Variants in CEP83 observed in about 807,000 individuals in gnomAD.
The protein encoded by CEP83 is centrosomal protein of 83 kDa.
A neutral mutation model predicts 101.9 loss-of-function variants in CEP83; 70 were observed. That is an observed-to-expected ratio of 0.69 (90% CI 0.57 to 0.84). The LOEUF is 0.84. Ranked by LOEUF, CEP83 falls within the 40% of genes least tolerant of loss-of-function variation. The pLI, the probability that CEP83 is intolerant of heterozygous loss-of-function variation, is 0.00. For missense variants in CEP83, 715 were observed against 787.2 expected (o/e 0.91, Z 1.10); for synonymous variants, 264 against 267.9 (o/e 0.99, Z 0.14).
intron 7 of CEP83, among the ~76,000 whole-genome samples, chr12:94,378,024 G>A (rs1285984991): frequency 1.3e-5 from 2 of 152,090 alleles, no homozygotes; most frequent in African/African-American, 4.8e-5. Flanking sequence ...CTTGGATTTG[G>A]ATATTGATTT....
intron 6 of CEP83, among the ~76,000 whole-genome samples, chr12:94,388,449 G>T (rs1461198960): frequency 6.6e-6 from 1 of 152,108 alleles, no homozygotes; most frequent in Admixed American, 6.5e-5. Context: ...GAGAGGATGA[G>T]GGGGAAAGGG....
chr12:94,309,434 C>T (rs548559598), intron 16 of CEP83, among the ~76,000 whole-genome samples: 2 of 152,258 alleles, frequency 1.3e-5, no homozygotes, highest in African/African-American at 4.8e-5. Flanking sequence ...AGGTTTGAAA[C>T]TTTGTCACTT....
chr12:94,333,331 T>C (rs1398109015), intron 13 of CEP83, 151 bp downstream of exon 13: 3 of 621,860 alleles, frequency 4.8e-6, no homozygotes, highest in Non-Finnish European at 8.1e-6. Flanking sequence ...AAACATAAAG[T>C]ACATTATTAC....
At chr12:94,297,057 G>T in the CEP83 span, 1 of 786,898 alleles carries the variant, frequency 1.3e-6, no homozygotes, top group South Asian at 1.6e-5. Context: ...ATGTAGCTAT[G>T]GAGAGCTCAA....
chr12:94,390,622 T>G (rs184053126), intron 6 of CEP83, among the ~76,000 whole-genome samples: 1 of 152,200 alleles, frequency 6.6e-6, no homozygotes, highest in African/African-American at 2.4e-5. Flanking sequence ...GGACAGTGAA[T>G]GACTCTGACA....
chr12:94,456,391 G>C (rs1242035867), intron 1 of CEP83, among the ~76,000 whole-genome samples: 2 of 152,106 alleles, frequency 1.3e-5, no homozygotes, highest in African/African-American at 4.8e-5. Context: ...TTACTTTCAT[G>C]ATACTTACAA....
At chr12:94,344,555 T>A (rs1416885380) in intron 11 of CEP83, among the ~76,000 whole-genome samples, 1 of 147,342 alleles carries the variant, frequency 6.8e-6, no homozygotes, top group Non-Finnish European at 1.5e-5. Context: ...TATTTCTATA[T>A]GCAACGAACA....
chr12:94,289,841 C>T, the CEP83 span, among the ~76,000 whole-genome samples: 3 of 152,186 alleles, frequency 2.0e-5, no homozygotes, highest in Non-Finnish European at 2.9e-5. Context: ...TGCACTCACA[C>T]ATACGCGCTC....
At chr12:94,453,424 T>C (rs922953505) in intron 1 of CEP83, among the ~76,000 whole-genome samples, 6 of 152,262 alleles carry the variant, frequency 3.9e-5, no homozygotes, top group African/African-American at 1.4e-4. Flanking sequence ...GTATTCTTTC[T>C]AGTTCTAGGC....
At chr12:94,343,043 A>G (rs2059754646) in intron 11 of CEP83, among the ~76,000 whole-genome samples, 1 of 152,032 alleles carries the variant, frequency 6.6e-6, no homozygotes, top group South Asian at 2.1e-4. Flanking sequence ...ATCGCAGTTA[A>G]CAAGGCAGAT....
At chr12:94,440,614 C>T (rs2066331551) in intron 1 of CEP83, among the ~76,000 whole-genome samples, 1 of 151,926 alleles carries the variant, frequency 6.6e-6, no homozygotes, top group Admixed American at 6.6e-5. Flanking sequence ...ACCATACTGC[C>T]AAGAGCAATC....
At position 94,364,473 on chromosome 12, in the gene CEP83, T is replaced by C. The variant is rs927391660; in HGVS notation, c.1343+3321A>G. On this transcript the variant is annotated intron_variant, in intron 11 of 16. Transcript: ENST00000397809. ...ATTAAAGCATACTATAAAGCCTCTA[T>C]AATTAAAGTATCATAATAATGGTAC... Among the ~76,000 whole-genome samples, 8 of 151,968 alleles carry C rather than the reference T, an allele frequency of 5.3e-5. No individual in the cohort carries two copies. In the East Asian group the frequency reaches 1.4e-3, roughly 26 times the overall value.
intron 2 of CEP83, chr12:94,423,738 C>T: frequency 6.2e-7 from 1 of 1,612,154 alleles, no homozygotes; most frequent in South Asian, 1.1e-5. Flanking sequence ...GAGGGGAATC[C>T]CACTGTTACT....
intron 14 of CEP83, among the ~76,000 whole-genome samples, chr12:94,320,528 T>C (rs1211550727): frequency 1.3e-5 from 2 of 152,128 alleles, no homozygotes; most frequent in East Asian, 1.9e-4. Flanking sequence ...TAACCATCTT[T>C]CTATATTTAG....
At chr12:94,277,974 C>T in the CEP83 span, 1 of 455,954 alleles carries the variant, frequency 2.2e-6, no homozygotes, top group Non-Finnish European at 4.4e-6. Context: ...CTAGGCAAAT[C>T]AGACATTGCC....
chr12:94,335,478 T>A, intron 12 of CEP83, 111 bp downstream of exon 12: 1 of 673,928 alleles, frequency 1.5e-6, no homozygotes, highest in Non-Finnish European at 2.6e-6. Context: ...ATGTTACCAA[T>A]TGTGGTTAGA....
intron 1 of CEP83, among the ~76,000 whole-genome samples, chr12:94,457,170 C>CAG (rs892331016): frequency 6.6e-6 from 1 of 152,018 alleles, no homozygotes; most frequent in African/African-American, 2.4e-5. Flanking sequence ...CCAATCTGGG[C>CAG]AGAGACACCT....
At chr12:94,425,061 G>C in intron 2 of CEP83, 1 of 581,434 alleles carries the variant, frequency 1.7e-6, no homozygotes, top group Non-Finnish European at 2.7e-6. Context: ...AGGGGATCGA[G>C]GGAAAGGGGG....
intron 4 of CEP83, among the ~76,000 whole-genome samples, chr12:94,406,450 TGA>T (rs145004289): frequency 8.1e-5 from 12 of 148,314 alleles, no homozygotes; most frequent in South Asian, 2.1e-4. Flanking sequence ...CAGAGAAGCA[TGA>T]GAGAGAGAGA....
Sources: allele counts gnomAD v4.1 joint callset (sites outside exome capture counted in the v4.1 genomes callset), GRCh38; gene constraint gnomAD v4.1.1; transcripts MANE v1.5; gene names NCBI Gene and HGNC (gene_info 2026-07-23, HGNC 2026-07-21).